Variants in ANKFN1 observed in about 807,000 individuals in gnomAD.
ANKFN1 encodes ankyrin repeat and fibronectin type III domain containing 1, also known as ankyrin repeat and fibronectin type-III domain-containing protein 1.
Under a neutral mutation model 108.7 loss-of-function variants are expected in ANKFN1, and 74 were observed. That is an observed-to-expected ratio of 0.68 (90% CI 0.56 to 0.83). ANKFN1 has a LOEUF of 0.83. ANKFN1 is among the 40% of genes least tolerant of loss of function. The pLI is 0.00. For synonymous variants in ANKFN1, 547 were observed against 516.2 expected (o/e 1.06, Z -0.81); for missense variants, 1,505 against 1,382.3 (o/e 1.09, Z -1.41).
chr17:56,413,469 A>G (rs1167555771), intron 8 of ANKFN1, among the ~76,000 whole-genome samples: 1 of 152,132 alleles, frequency 6.6e-6, no homozygotes, highest in African/African-American at 2.4e-5. Context: ...TGTTGAATAG[A>G]AGTAGTGACA....
intron 4 of ANKFN1, among the ~76,000 whole-genome samples, chr17:56,346,914 A>G (rs753135165): frequency 2.6e-5 from 4 of 151,944 alleles, no homozygotes; most frequent in Non-Finnish European, 4.4e-5. Context: ...GGCAGGCCCA[A>G]ATGAAATTCT....
chr17:56,259,370 G>A (rs766509778), intron 3 of ANKFN1, among the ~76,000 whole-genome samples: 3 of 152,214 alleles, frequency 2.0e-5, no homozygotes, highest in Non-Finnish European at 4.4e-5. Flanking sequence ...TTAAGGATTG[G>A]AAGAGATTAA....
chr17:56,049,262 A>T (rs1001822267), intron 4 of ANKFN1, among the ~76,000 whole-genome samples: 1 of 152,216 alleles, frequency 6.6e-6, no homozygotes, highest in Non-Finnish European at 1.5e-5. Flanking sequence ...ATTTGTGCAA[A>T]GGCCAAGAAT....
At chr17:56,235,509 C>G (rs1423497053) in intron 3 of ANKFN1, among the ~76,000 whole-genome samples, 2 of 152,162 alleles carry the variant, frequency 1.3e-5, no homozygotes, top group Non-Finnish European at 2.9e-5. Context: ...ATTCTTTAAT[C>G]TATCTTTAGT....
chr17:56,511,195 C>T lies in ANKFN1; in HGVS notation c.3367C>T (p.Pro1123Ser), dbSNP rs1273596544. The change falls in exon 21 of 21, where the codon CCC becomes TCC. Residue 1123 changes from proline to serine, a missense_variant. Physicochemically the swap from Pro to Ser is moderately conservative, Grantham distance 74. Coordinates refer to ENST00000682825, the MANE Select transcript of ANKFN1 (RefSeq NM_001370326.1). Reference sequence around the variant, plus strand: ...TGGAGGCCGCATCACCCTGCCCAGCCCCACTGGCCCCGATGTGAGTCAGGA... The same window carrying T: ...TGGAGGCCGCATCACCCTGCCCAGCTCCACTGGCCCCGATGTGAGTCAGGA... ...PSGGRITLPS[P>S]TGPDVSQEGP... The T allele has an allele frequency of 7.8e-6, 12 of 1,535,766 alleles. No homozygotes were observed.
At chr17:56,304,531 A>G (rs1015454570) in intron 3 of ANKFN1, among the ~76,000 whole-genome samples, 7 of 152,208 alleles carry the variant, frequency 4.6e-5, no homozygotes, top group Admixed American at 1.3e-4. Flanking sequence ...GCTGGAATAT[A>G]TGTTAATTAC....
At chr17:56,477,792 T>A in intron 16 of ANKFN1, 138 bp downstream of exon 16, 2 of 864,816 alleles carry the variant, frequency 2.3e-6, no homozygotes, top group Non-Finnish European at 1.8e-6. Flanking sequence ...CACACTGAAG[T>A]GGGGCAGAGC....
intron 2 of ANKFN1, among the ~76,000 whole-genome samples, chr17:56,220,834 G>A (rs1488717398): frequency 1.9e-5 from 1 of 51,450 alleles, no homozygotes; most frequent in Non-Finnish European, 3.3e-5. Context: ...AAGGAAGGGA[G>A]GAAGGGAGGG....
At chr17:56,162,736 A>G (rs1012593238) in intron 1 of ANKFN1, among the ~76,000 whole-genome samples, 2 of 152,196 alleles carry the variant, frequency 1.3e-5, no homozygotes, top group African/African-American at 4.8e-5. Context: ...TAACACTTTT[A>G]GTAAAAATGG....
In ANKFN1 at chr17:56,159,057, C is replaced by CAGA. The variant is rs1284822430; in HGVS notation, c.-71+5538_-71+5540dup. On this transcript the variant is annotated intron_variant, in intron 1 of 20. Transcript: ENST00000682825. ...CCAAAAAAAAAAAAAAAAAAAAAAGCAGAAGAAGAAGAAAGAAGAAGAGGA... is the reference window on the plus strand; with the variant it reads ...CCAAAAAAAAAAAAAAAAAAAAAAGCAGAAGAAGAAGAAGAAAGAAGAAGAGGA... 5.1e-4 allele frequency among the ~76,000 whole-genome samples: 33 copies of CAGA among 64,740 alleles called. No individual in the cohort carries two copies. The East Asian group carries it at 0.022, about 44-fold the overall frequency. 42.5% of individuals were successfully genotyped at this position (64,740 alleles called of 152,430 possible).
At chr17:56,214,543 T>C (rs1318548028) in intron 2 of ANKFN1, among the ~76,000 whole-genome samples, 2 of 152,236 alleles carry the variant, frequency 1.3e-5, no homozygotes, top group Non-Finnish European at 2.9e-5. Context: ...AATTAGATAA[T>C]GCATATGCCT....
intron 4 of ANKFN1, among the ~76,000 whole-genome samples, chr17:56,054,481 G>A (rs1354526025): frequency 6.6e-6 from 1 of 152,034 alleles, no homozygotes; most frequent in Non-Finnish European, 1.5e-5. Context: ...TAAAGTGGAT[G>A]TTGCAATAAC....
At position 56,220,102 on chromosome 17, in the gene ANKFN1, A is replaced by G. The variant is rs983840274; in HGVS notation, c.12+7423A>G. Among the ~76,000 whole-genome samples, 6 of 152,346 alleles carry G rather than the reference A, an allele frequency of 3.9e-5. No homozygotes were observed. The East Asian group carries it at 1.2e-3, about 29-fold the overall frequency. On this transcript the variant is annotated intron_variant, in intron 2 of 20. Coordinates refer to ENST00000682825, the MANE Select transcript of ANKFN1 (RefSeq NM_001370326.1). ...ATGTGAGAATTACATGAGATGATCT[A>G]TGGAAAAACTGTGTAAGCTTGAAAG...
chr17:56,372,725 C>T lies in ANKFN1; in HGVS notation c.681C>T (p.Ala227=). 1 of 1,613,808 alleles carries T rather than the reference C, an allele frequency of 6.2e-7. No homozygotes were observed. The highest frequency in any genetic ancestry group is 1.1e-5 in the South Asian group (1 of 91,068). Residue 227 remains alanine (A), a synonymous_variant, in exon 7 of 21, where the codon GCC becomes GCT. Transcript: ENST00000682825. Reference sequence around the variant, plus strand: ...AGGAGAGGGTGAGTGAACTGTCTGCCCAGGTGGAGAATGAAGGATTCACTC... The same window carrying T: ...AGGAGAGGGTGAGTGAACTGTCTGCTCAGGTGGAGAATGAAGGATTCACTC... The part of the protein sequence containing the change: ...EAQERVSELS[A]QVENEGFTLD...
At chr17:56,117,134 T>C (rs1480119789) in intron 4 of ANKFN1, among the ~76,000 whole-genome samples, 1 of 152,196 alleles carries the variant, frequency 6.6e-6, no homozygotes, top group Non-Finnish European at 1.5e-5. Context: ...TATTATATTA[T>C]AAATTTATGC....
At position 56,467,813 on chromosome 17, in the gene ANKFN1, A is replaced by G. The variant is rs1260859892; in HGVS notation, c.1773+1242A>G. 8.8e-5 allele frequency among the ~76,000 whole-genome samples: 4 copies of G among 45,342 alleles called. No individual in the cohort carries two copies. In the East Asian group the frequency reaches 0.019, roughly 216 times the overall value. The allele number at this position is 45,342 out of a possible 152,430, so 29.7% of individuals were successfully genotyped here. Reference sequence around the variant, plus strand: ...AAAGAAGAAAGAAAGAAAGAAAGAAAGAAAGAAAGAAAGAAAGAAAGAAAG... The same window carrying G: ...AAAGAAGAAAGAAAGAAAGAAAGAAGGAAAGAAAGAAAGAAAGAAAGAAAG... On this transcript the variant is annotated intron_variant, in intron 15 of 20. Transcript: ENST00000682825.
At chr17:56,379,203 C>A (rs2047024323) in intron 8 of ANKFN1, among the ~76,000 whole-genome samples, 1 of 152,118 alleles carries the variant, frequency 6.6e-6, no homozygotes, top group African/African-American at 2.4e-5. Flanking sequence ...TCGAGACCAT[C>A]CTGGCTAACA....
chr17:56,215,831 A>G (rs1002074287), intron 2 of ANKFN1: 1 of 152,658 alleles, frequency 6.6e-6, no homozygotes, highest in African/African-American at 2.4e-5. Flanking sequence ...GGGCACAGGT[A>G]TCGGTGCCAG....
intron 20 of ANKFN1, 75 bp from the exon 21 acceptor site, chr17:56,510,398 G>A (rs1376918981): frequency 7.9e-7 from 1 of 1,258,352 alleles, no homozygotes; most frequent in Non-Finnish European, 1.1e-6. Flanking sequence ...GGGGTCAAAT[G>A]CACTGTTCCT....
Sources: allele counts gnomAD v4.1 joint callset (sites outside exome capture counted in the v4.1 genomes callset), GRCh38; gene constraint gnomAD v4.1.1; transcripts MANE v1.5; gene names NCBI Gene and HGNC (gene_info 2026-07-23, HGNC 2026-07-21).